IL1RL1: variants seen among roughly 807,000 people sequenced by gnomAD.
The protein encoded by IL1RL1 is interleukin 1 receptor like 1, also known as interleukin-1 receptor-like 1.
Under a neutral mutation model 50.9 loss-of-function variants are expected in IL1RL1, and 32 were observed. That is an observed-to-expected ratio of 0.63 (90% CI 0.47 to 0.84). The LOEUF (loss-of-function observed/expected upper bound fraction) is 0.84, where lower values mean the gene tolerates loss of function less well. Among genes scored for constraint, IL1RL1 ranks in the 40% least tolerant of loss-of-function variants. IL1RL1 has a pLI of 0.00. For synonymous variants in IL1RL1, 275 were observed against 236.0 expected (o/e 1.17, Z -1.51); for missense variants, 773 against 662.9 (o/e 1.17, Z -1.82).
At chr2:102,350,602 T>A (rs1677900103) in intron 10 of IL1RL1, among the ~76,000 whole-genome samples, 1 of 152,256 alleles carries the variant, frequency 6.6e-6, no homozygotes, top group South Asian at 2.1e-4. Flanking sequence ...CAAAATCCTC[T>A]CTGCACCACC....
chr2:102,350,046 C>T (rs1414656157), intron 10 of IL1RL1, among the ~76,000 whole-genome samples: 1 of 137,606 alleles, frequency 7.3e-6, no homozygotes, highest in East Asian at 2.0e-4. Flanking sequence ...CTTTGGTTTA[C>T]CCTGGAATAT....
rs756486507 is a variant in IL1RL1 at position 102,343,102 on chromosome 2, T to C, written c.749T>C (p.Leu250Pro). 1.9e-6 allele frequency: 3 copies of C among 1,613,874 alleles called. No individual in the cohort carries two copies. The highest frequency in any genetic ancestry group is 2.5e-6 in the Non-Finnish European group (3 of 1,179,876). The change falls in exon 7 of 11, where the codon CTG becomes CCG. Residue 250 changes from leucine to proline, a missense_variant. Coordinates refer to ENST00000233954, the MANE Select transcript of IL1RL1 (RefSeq NM_016232.5). ...GGCACTCAGTTCTTGGCTGCCGTCC[T>C]GTGGCAGCTTAATGGAACAAAAATT... ...GKGTQFLAAV[L>P]WQLNGTKITD... is the part of the protein sequence containing the mutation.
At chr2:102,332,130 G>T (rs1677194118) in intron 1 of IL1RL1, among the ~76,000 whole-genome samples, 1 of 152,102 alleles carries the variant, frequency 6.6e-6, no homozygotes, top group Non-Finnish European at 1.5e-5. Flanking sequence ...TGCTCTTCCA[G>T]GCACATGAGC....
intron 1 of IL1RL1, among the ~76,000 whole-genome samples, chr2:102,334,938 T>C (rs1208070242): frequency 6.6e-6 from 1 of 152,128 alleles, no homozygotes; most frequent in African/African-American, 2.4e-5. Context: ...GTAAGTGAAG[T>C]AGATTATAAA....
chr2:102,341,820 C>T lies in IL1RL1; in HGVS notation c.611-403C>T, dbSNP rs1677576982. 4.6e-5 allele frequency among the ~76,000 whole-genome samples: 7 copies of T among 152,228 alleles called. No individual in the cohort carries two copies. The South Asian group carries it at 1.2e-3, about 27-fold the overall frequency. On this transcript the variant is annotated intron_variant, in intron 5 of 10. Coordinates refer to ENST00000233954, the MANE Select transcript of IL1RL1 (RefSeq NM_016232.5). ...GATGGGCCACCCTAGTGGAGAACTG[C>T]GAGCAAATCTGTGGACTCATCCATT... is the stretch of plus-strand genomic sequence containing the variant.
intron 5 of IL1RL1, chr2:102,341,369 C>A: frequency 8.5e-7 from 1 of 1,176,662 alleles, no homozygotes; most frequent in Non-Finnish European, 1.1e-6. Flanking sequence ...TAAGTCACTT[C>A]ATTCTAAAAA....
chr2:102,318,879 C>T lies in IL1RL1; in HGVS notation c.-150+7256C>T, dbSNP rs538699572. Among the ~76,000 whole-genome samples, 26 of 152,186 alleles carry T rather than the reference C, an allele frequency of 1.7e-4. 1 individual carries two copies. The South Asian group carries it at 5.2e-3, about 30-fold the overall frequency. On this transcript the variant is annotated intron_variant, in intron 1 of 10. Transcript: ENST00000233954. ...GACGATATTGATAACAGCATAAAGA[C>T]ATCATAATTTAAACTAATTATTAAC...
chr2:102,350,646 A>G (rs913570063), intron 10 of IL1RL1, among the ~76,000 whole-genome samples: 4 of 152,186 alleles, frequency 2.6e-5, no homozygotes, highest in South Asian at 2.1e-4. Flanking sequence ...GCTGATCATC[A>G]TGGAATCCAT....
chr2:102,325,766 A>G (rs1030063258), intron 1 of IL1RL1, among the ~76,000 whole-genome samples: 14 of 152,364 alleles, frequency 9.2e-5, no homozygotes, highest in African/African-American at 3.1e-4. Context: ...CGGAAGATCA[A>G]ATGAATGAAA....
intron 1 of IL1RL1, among the ~76,000 whole-genome samples, chr2:102,330,030 A>G (rs1382670575): frequency 2.0e-5 from 3 of 152,240 alleles, no homozygotes; most frequent in Non-Finnish European, 4.4e-5. Flanking sequence ...CTATAAAGAC[A>G]CATGCATATA....
chr2:102,345,815 G>A (rs545385365), intron 8 of IL1RL1: 23 of 985,460 alleles, frequency 2.3e-5, no homozygotes, highest in Middle Eastern at 5.2e-4. Flanking sequence ...ACCCCATCAA[G>A]GTGCTATGTG....
In IL1RL1 at chr2:102,340,736, C is replaced by T; in HGVS notation, c.518C>T (p.Thr173Ile). 1 of 1,600,492 alleles carries T rather than the reference C, an allele frequency of 6.2e-7. No individual in the cohort carries two copies. Among genetic ancestry groups the T allele is most frequent in the South Asian group, 1.1e-5 (1 of 88,872 alleles). The change falls in exon 5 of 11, where the codon ACT becomes ATT. Residue 173 changes from threonine to isoleucine, a missense_variant. By Grantham distance (89) the Thr-to-Ile change is moderately conservative. Coordinates refer to ENST00000233954, the MANE Select transcript of IL1RL1 (RefSeq NM_016232.5). ...KSFLVIDNVM[T>I]EDAGDYTCKF... Reference sequence around the variant, plus strand: ...TTTTTGGTCATTGATAATGTGATGACTGAGGACGCAGGTGATTACACCTGT... The same window carrying T: ...TTTTTGGTCATTGATAATGTGATGATTGAGGACGCAGGTGATTACACCTGT...
chr2:102,326,650 G>A (rs1281775284), intron 1 of IL1RL1, among the ~76,000 whole-genome samples: 1 of 148,864 alleles, frequency 6.7e-6, no homozygotes, highest in South Asian at 2.1e-4. Context: ...ATAAAGGGAT[G>A]GCGGAAGATC....
At chr2:102,312,511 T>C (rs1029651132) in intron 1 of IL1RL1, among the ~76,000 whole-genome samples, 4 of 152,092 alleles carry the variant, frequency 2.6e-5, no homozygotes, top group Non-Finnish European at 5.9e-5. Flanking sequence ...GGAGTTATTC[T>C]TTCTGAAATC....
intron 1 of IL1RL1, among the ~76,000 whole-genome samples, chr2:102,323,269 A>AG (rs1485673617): frequency 7.0e-4 from 27 of 38,492 alleles, no homozygotes; most frequent in African/African-American, 2.1e-3. Context: ...ATATATATAT[A>AG]TATAGTGTGT....
intron 8 of IL1RL1, chr2:102,343,634 C>G: frequency 1.4e-6 from 2 of 1,431,194 alleles, no homozygotes; most frequent in Admixed American, 2.8e-5. Flanking sequence ...CTCCCCCACT[C>G]CCTCCTATCG....
At chr2:102,314,473 T>A (rs1262563670) in intron 1 of IL1RL1, among the ~76,000 whole-genome samples, 1 of 152,164 alleles carries the variant, frequency 6.6e-6, no homozygotes, top group South Asian at 2.1e-4. Context: ...TCCACCAAGA[T>A]GTAACTGAGA....
chr2:102,341,233 G>A, intron 5 of IL1RL1: 1 of 1,215,550 alleles, frequency 8.2e-7, no homozygotes, highest in South Asian at 1.5e-5. Flanking sequence ...TTAATCTTTA[G>A]TAATACTCAT....
At chr2:102,346,951 T>C (rs1677801668) in intron 8 of IL1RL1, among the ~76,000 whole-genome samples, 1 of 152,250 alleles carries the variant, frequency 6.6e-6, no homozygotes. Context: ...GCATGTTGCA[T>C]CTACATTTTG....
Sources: allele counts gnomAD v4.1 joint callset (sites outside exome capture counted in the v4.1 genomes callset), GRCh38; gene constraint gnomAD v4.1.1; transcripts MANE v1.5; gene names NCBI Gene and HGNC (gene_info 2026-07-23, HGNC 2026-07-21).